Variants in PAPPA observed in about 807,000 individuals in gnomAD.
The protein encoded by PAPPA is pappalysin-1.
In PAPPA, 60 loss-of-function variants were observed where a neutral mutation model predicts 164.0. The ratio of observed to expected loss-of-function variants is 0.37; its 90% CI spans 0.30 to 0.45. The LOEUF is 0.45. PAPPA is among the 20% of genes least tolerant of loss of function. The probability of loss-of-function intolerance (pLI) is 1.00; values close to 1 mark genes in which losing one functional copy is unlikely to be tolerated. For synonymous variants in PAPPA, 875 were observed against 814.1 expected, an observed-to-expected ratio of 1.07 and a Z score of -1.27; for missense variants, 1,782 against 2,087.3, an observed-to-expected ratio of 0.85 and a Z score of 2.85.
rs770718210 is a variant in PAPPA at position 116,189,316 on chromosome 9, T to G, written c.1478+1100T>G. The stretch of plus-strand genomic sequence containing the variant: ...AAAGAAAATGGATGACTTAAGATAA[T>G]GGATATGTTAATTTATTTCACTATA... On this transcript the variant is annotated intron_variant, in intron 2 of 21. Coordinates refer to ENST00000328252, the MANE Select transcript of PAPPA (RefSeq NM_002581.5). 6.6e-5 allele frequency among the ~76,000 whole-genome samples: 10 copies of G among 152,354 alleles called. No homozygotes were observed. In the Middle Eastern group the frequency reaches 0.01, roughly 155 times the overall value.
intron 20 of PAPPA, among the ~76,000 whole-genome samples, chr9:116,380,288 A>AAATG (rs1374365660): frequency 7.4e-6 from 1 of 135,088 alleles, no homozygotes; most frequent in East Asian, 2.0e-4. Flanking sequence ...GAATAAGGAT[A>AAATG]AATGAATGGA....
At chr9:116,293,830 C>T (rs530709492) in intron 9 of PAPPA, among the ~76,000 whole-genome samples, 1 of 152,230 alleles carries the variant, frequency 6.6e-6, no homozygotes, top group African/African-American at 2.4e-5. Flanking sequence ...TGGCGCATTC[C>T]TGTAATCCCA....
intron 10 of PAPPA, among the ~76,000 whole-genome samples, chr9:116,327,843 A>T (rs1046792467): frequency 6.6e-6 from 1 of 152,210 alleles, no homozygotes; most frequent in South Asian, 2.1e-4. Context: ...CCAGTTCCCC[A>T]GGAACATAGA....
intron 9 of PAPPA, among the ~76,000 whole-genome samples, chr9:116,279,817 T>G (rs1436771679): frequency 6.6e-6 from 1 of 152,182 alleles, no homozygotes; most frequent in Non-Finnish European, 1.5e-5. Context: ...TATCAGGGCC[T>G]TTTCTTAGCT....
At chr9:116,382,240 C>T (rs1783502095) in intron 20 of PAPPA, among the ~76,000 whole-genome samples, 155 bp from the exon 21 acceptor site, 1 of 152,088 alleles carries the variant, frequency 6.6e-6, no homozygotes, top group Admixed American at 6.5e-5. Context: ...GAGGTGATAA[C>T]TCATTCAAGG....
At chr9:116,183,540 G>C (rs1268361179) in intron 1 of PAPPA, among the ~76,000 whole-genome samples, 1 of 152,104 alleles carries the variant, frequency 6.6e-6, no homozygotes, top group Non-Finnish European at 1.5e-5. Flanking sequence ...TTCCCTTTCA[G>C]ACCCTAAAAT....
chr9:116,375,994 T>C (rs1846645171), intron 19 of PAPPA, among the ~76,000 whole-genome samples: 1 of 151,094 alleles, frequency 6.6e-6, no homozygotes, highest in Non-Finnish European at 1.5e-5. Flanking sequence ...GGGGCATCCA[T>C]GGAGAATAGA....
intron 1 of PAPPA, among the ~76,000 whole-genome samples, chr9:116,160,519 C>T (rs560035022): frequency 2.8e-4 from 42 of 152,312 alleles, no homozygotes; most frequent in African/African-American, 9.4e-4. Context: ...CCTATTACTT[C>T]AAAACCCCTC....
intron 15 of PAPPA, among the ~76,000 whole-genome samples, chr9:116,348,023 A>G (rs1846233989): frequency 1.3e-5 from 2 of 152,166 alleles, no homozygotes; most frequent in Non-Finnish European, 2.9e-5. Context: ...GGCTAATAAT[A>G]ATACTTAATC....
chr9:116,357,335 C>A (rs192385402), intron 17 of PAPPA, among the ~76,000 whole-genome samples: 1 of 152,212 alleles, frequency 6.6e-6, no homozygotes, highest in South Asian at 2.1e-4. Context: ...CTAGCACTTA[C>A]GGTATTCTCG....
intron 1 of PAPPA, among the ~76,000 whole-genome samples, chr9:116,173,241 T>C (rs1356965842): frequency 6.6e-6 from 1 of 152,238 alleles, no homozygotes; most frequent in Non-Finnish European, 1.5e-5. Context: ...TTATAATTTA[T>C]GATTTTCTAA....
At chr9:116,285,171 CTTTTTT>C in intron 9 of PAPPA, among the ~76,000 whole-genome samples, 1 of 89,494 alleles carries the variant, frequency 1.1e-5, no homozygotes, top group Non-Finnish European at 2.0e-5. Context: ...TTCTTTCTTT[CTTTTTT>C]TTTTTTTTTT....
chr9:116,333,428 A>G (rs1289107952), intron 12 of PAPPA, among the ~76,000 whole-genome samples: 1 of 152,178 alleles, frequency 6.6e-6, no homozygotes, highest in Non-Finnish European at 1.5e-5. Flanking sequence ...AGCTCTGGGC[A>G]GCCTGGATAC....
chr9:116,391,995 C>G (rs1373757779), intron 21 of PAPPA, among the ~76,000 whole-genome samples: 1 of 152,206 alleles, frequency 6.6e-6, no homozygotes, highest in Non-Finnish European at 1.5e-5. Flanking sequence ...GACTCCTGCT[C>G]TGCCGTCCTC....
chr9:116,249,117 G>A (rs1844830799), intron 7 of PAPPA, among the ~76,000 whole-genome samples: 1 of 152,142 alleles, frequency 6.6e-6, no homozygotes, highest in Admixed American at 6.5e-5. Context: ...AGTCAGTAAG[G>A]GACATACTAG....
At chr9:116,338,768 T>C (rs1236195968) in intron 13 of PAPPA, among the ~76,000 whole-genome samples, 1 of 152,216 alleles carries the variant, frequency 6.6e-6, no homozygotes, top group East Asian at 1.9e-4. Context: ...TTCTCCAAAA[T>C]ATTGTCCAAT....
rs189098314 is a variant in PAPPA, at chr9:116,185,104, T to C, written c.416-2050T>C. Among the ~76,000 whole-genome samples the C allele has an allele frequency of 6.2e-3, 947 of 152,260 alleles. 4 individuals carry two copies. The highest frequency in any genetic ancestry group is 8.6e-3 in the Non-Finnish European group (588 of 68,016). On this transcript the variant is annotated intron_variant, in intron 1 of 21. Coordinates refer to ENST00000328252, the MANE Select transcript of PAPPA (RefSeq NM_002581.5). ...AAGAGTTACCTTGCATGCTAGTCAT[T>C]GGGAAATCTAGAATAAAGAAAATCA...
intron 2 of PAPPA, among the ~76,000 whole-genome samples, chr9:116,201,052 T>C (rs1354537582): frequency 6.6e-6 from 1 of 152,218 alleles, no homozygotes; most frequent in African/African-American, 2.4e-5. Context: ...AGCATTTTCT[T>C]TCTGTGTCTC....
chr9:116,322,920 C>A (rs994337633), intron 10 of PAPPA, among the ~76,000 whole-genome samples: 7 of 152,098 alleles, frequency 4.6e-5, no homozygotes, highest in African/African-American at 1.4e-4. Context: ...ATTCGCAGGT[C>A]CCTTTGGGTG....
Sources: gnomAD v4.1 joint callset for allele counts (sites outside exome capture counted in the v4.1 genomes callset) on GRCh38, gnomAD v4.1.1 for gene constraint, MANE v1.5 for transcripts, NCBI Gene and HGNC (gene_info 2026-07-23, HGNC 2026-07-21) for gene names.